GYPC: variants seen among roughly 807,000 people sequenced by gnomAD.
GYPC encodes the protein glycophorin C (Gerbich blood group).
In GYPC, 14 loss-of-function variants were observed where a neutral mutation model predicts 12.6. The ratio of observed to expected loss-of-function variants is 1.11; its 90% confidence interval spans 0.74 to 1.74. GYPC has a LOEUF of 1.74. Among genes scored for constraint, GYPC ranks in the 40% most tolerant of loss-of-function variants. GYPC has a pLI of 0.00. For missense variants in GYPC, 225 were observed against 172.1 expected (o/e 1.31, Z -1.72); for synonymous variants, 78 against 62.1 (o/e 1.26, Z -1.20).
At position 126,656,202 on chromosome 2, in the gene GYPC, C is replaced by T. The variant is rs1022011720; in HGVS notation, c.-62C>T. 1 of 1,547,890 alleles carries T rather than the reference C, an allele frequency of 6.5e-7. No individual in the cohort carries two copies. The highest frequency in any genetic ancestry group is 8.7e-7 in the Non-Finnish European group (1 of 1,148,618). ...AGGAGCCCGGGAGCGCGACCCTCCC[C>T]CGGCCCGGCCTGGCCCGGCCTGGCC... is the stretch of plus-strand genomic sequence containing the variant. On this transcript the variant is annotated 5_prime_UTR_variant, in exon 1 of 4. Coordinates refer to ENST00000259254, the MANE Select transcript of GYPC (RefSeq NM_002101.5).
At chr2:126,686,528 G>T (rs1195408425) in intron 1 of GYPC, 2 of 985,362 alleles carry the variant, frequency 2.0e-6, no homozygotes, top group East Asian at 1.1e-4. Flanking sequence ...GTTGGTTCGT[G>T]GTTCCCCAGA....
At chr2:126,683,505 T>C (rs540546379) in intron 1 of GYPC, among the ~76,000 whole-genome samples, 5 of 152,328 alleles carry the variant, frequency 3.3e-5, no homozygotes, top group African/African-American at 9.6e-5. Flanking sequence ...TCCTGGACTT[T>C]GGAGACGATG....
rs773746158 is a variant in GYPC at position 126,656,250 on chromosome 2, G to T, written c.-14G>T. 5 of 1,600,246 alleles carry T rather than the reference G, an allele frequency of 3.1e-6. No homozygotes were observed. In the East Asian group the frequency reaches 9.1e-5, roughly 29 times the overall value. On this transcript the variant is annotated 5_prime_UTR_variant, in exon 1 of 4. Transcript: ENST00000259254. ...GCCAGTCCCCGCGGTCTCTGCCCGG[G>T]CTGACGCCCAGGAATGTGGTCGACG...
intron 1 of GYPC, chr2:126,686,110 A>G (rs1319641585): frequency 4.1e-6 from 4 of 985,264 alleles, no homozygotes; most frequent in Non-Finnish European, 4.8e-6. Flanking sequence ...CCACGCAGGA[A>G]AAAAAGAGAA....
chr2:126,661,943 T>C lies in GYPC; in HGVS notation c.49+5631T>C, dbSNP rs370848422. On this transcript the variant is annotated intron_variant, in intron 1 of 3. Coordinates refer to ENST00000259254, the MANE Select transcript of GYPC (RefSeq NM_002101.5). ...CCCCTGGCACACCCTGATGGCTCTG[T>C]TTATCTGCACTTTGCACATGATGGT... Among the ~76,000 whole-genome samples the C allele has an allele frequency of 1.9e-4, 29 of 152,334 alleles. No homozygotes were observed. In the East Asian group the frequency reaches 4.3e-3, roughly 22 times the overall value.
intron 1 of GYPC, among the ~76,000 whole-genome samples, chr2:126,677,639 C>T (rs192065858): frequency 5.4e-5 from 8 of 146,798 alleles, no homozygotes; most frequent in South Asian, 2.2e-4. Flanking sequence ...TCCCATGTGC[C>T]GGGCAACACC....
chr2:126,665,364 T>C (rs1682649412), intron 1 of GYPC, among the ~76,000 whole-genome samples: 1 of 152,224 alleles, frequency 6.6e-6, no homozygotes, highest in African/African-American at 2.4e-5. Flanking sequence ...ATTTATAAAA[T>C]AAACTTTATC....
chr2:126,693,915 C>T lies in GYPC; in HGVS notation c.158C>T (p.Thr53Ile), dbSNP rs531807314. 1.4e-4 allele frequency: 218 copies of T among 1,611,902 alleles called. 1 individual carries two copies. In the South Asian group the frequency reaches 2.1e-3, roughly 15 times the overall value. The change falls in exon 3 of 4, where the codon ACC becomes ATC. Residue 53 changes from threonine (T) to isoleucine (I), a missense_variant. Thr to Ile is a moderately conservative substitution (Grantham distance 89, BLOSUM62 -1). Transcript: ENST00000259254. ...CCGGATGGCAGAATGGAGACCTCCA[C>T]CCCCACCATAATGGACATTGTCGTC... ...GWPDGRMETS[T>I]PTIMDIVVIA...
intron 1 of GYPC, among the ~76,000 whole-genome samples, chr2:126,669,332 C>G (rs1682776705): frequency 6.6e-6 from 1 of 152,192 alleles, no homozygotes; most frequent in South Asian, 2.1e-4. Flanking sequence ...GGCCATGCCC[C>G]CTCCTCAGGG....
chr2:126,677,626 A>C (rs1683041851), intron 1 of GYPC, among the ~76,000 whole-genome samples: 1 of 151,812 alleles, frequency 6.6e-6, no homozygotes. Context: ...CAATAAGAAT[A>C]GCTCCCATGT....
chr2:126,656,235 G>A lies in GYPC; in HGVS notation c.-29G>A, dbSNP rs1682347330. 1 of 1,591,016 alleles carries A rather than the reference G, an allele frequency of 6.3e-7. No individual in the cohort carries two copies. Among genetic ancestry groups the A allele is most frequent in the Non-Finnish European group, 8.5e-7 (1 of 1,171,166 alleles). ...GCCTGGCCCGGCCTGGCCAGTCCCC[G>A]CGGTCTCTGCCCGGGCTGACGCCCA... On this transcript the variant is annotated 5_prime_UTR_variant, in exon 1 of 4. Coordinates refer to ENST00000259254, the MANE Select transcript of GYPC (RefSeq NM_002101.5).
chr2:126,682,086 C>T (rs773672813), intron 1 of GYPC, among the ~76,000 whole-genome samples: 3 of 152,182 alleles, frequency 2.0e-5, no homozygotes, highest in Non-Finnish European at 2.9e-5. Context: ...CAGCCACCTC[C>T]GGTGGAGCTT....
chr2:126,686,237 G>GA (rs1302801836), intron 1 of GYPC: 1 of 985,414 alleles, frequency 1.0e-6, no homozygotes, highest in African/African-American at 1.7e-5. Flanking sequence ...GTCCACATCT[G>GA]AAAAATACCA....
At chr2:126,675,378 A>G (rs1053834332) in intron 1 of GYPC, among the ~76,000 whole-genome samples, 1 of 152,226 alleles carries the variant, frequency 6.6e-6, no homozygotes, top group Admixed American at 6.5e-5. Flanking sequence ...ATAATTATTC[A>G]TAACCCTCCT....
In GYPC at chr2:126,696,111, G is replaced by A. The variant is rs1396457771; in HGVS notation, c.356G>A (p.Gly119Asp). Reference protein sequence around the residue: ...LQGDPALQDAGDSSRKEYFI With the variant: ...LQGDPALQDADDSSRKEYFI Reference sequence around the variant, plus strand: ...GGAGACCCTGCCCTCCAAGATGCTGGTGATAGCAGCAGAAAGGAGTACTTT... The same window carrying A: ...GGAGACCCTGCCCTCCAAGATGCTGATGATAGCAGCAGAAAGGAGTACTTT... Residue 119 changes from glycine to aspartate, a missense_variant, in exon 4 of 4, where the codon GGT (glycine) becomes GAT (aspartate). Transcript: ENST00000259254. The A allele has an allele frequency of 6.2e-7, 1 of 1,613,842 alleles. No homozygotes were observed. Among genetic ancestry groups the A allele is most frequent in the Non-Finnish European group, 8.5e-7 (1 of 1,179,714 alleles).
At chr2:126,677,360 TGAGA>T (rs1002936717) in intron 1 of GYPC, among the ~76,000 whole-genome samples, 2 of 151,086 alleles carry the variant, frequency 1.3e-5, no homozygotes, top group African/African-American at 4.9e-5. Context: ...TGTGTGAGTG[TGAGA>T]GAATGAGTAG....
At chr2:126,674,355 G>A (rs564179245) in intron 1 of GYPC, among the ~76,000 whole-genome samples, 1 of 152,278 alleles carries the variant, frequency 6.6e-6, no homozygotes, top group African/African-American at 2.4e-5. Flanking sequence ...TTAGAAATGG[G>A]AGCAGTGAGA....
chr2:126,665,419 G>T (rs913938820), intron 1 of GYPC, among the ~76,000 whole-genome samples: 8 of 152,212 alleles, frequency 5.3e-5, no homozygotes, highest in African/African-American at 1.9e-4. Context: ...GTAAGGTTCA[G>T]TCGTATCTCT....
At chr2:126,687,865 A>G (rs1381670870) in intron 1 of GYPC, among the ~76,000 whole-genome samples, 1 of 152,016 alleles carries the variant, frequency 6.6e-6, no homozygotes, top group African/African-American at 2.4e-5. Flanking sequence ...AAGCCAAGAA[A>G]TGCACCCCAA....
Sources: allele counts gnomAD v4.1 joint callset (sites outside exome capture counted in the v4.1 genomes callset), GRCh38; gene constraint gnomAD v4.1.1; transcripts MANE v1.5; gene names NCBI Gene and HGNC (gene_info 2026-07-23, HGNC 2026-07-21).